C1QTNF3: variants seen among roughly 807,000 people sequenced by gnomAD.
C1QTNF3 encodes C1q and TNF related 3, also known as complement C1q tumor necrosis factor-related protein 3.
A neutral mutation model predicts 32.6 loss-of-function variants in C1QTNF3; 26 were observed. That is an observed-to-expected ratio of 0.80 (90% CI 0.58 to 1.11). The LOEUF (loss-of-function observed/expected upper bound fraction) is 1.11. C1QTNF3 is among the 50% of genes least tolerant of loss of function. C1QTNF3 has a pLI of 0.00. For missense variants in C1QTNF3, 362 were observed against 398.2 expected, an observed-to-expected ratio of 0.91 and a Z score of 0.77; for synonymous variants, 155 against 146.0, an observed-to-expected ratio of 1.06 and a Z score of -0.44.
chr5:34,166,174 T>C, the C1QTNF3 span: 2 of 152,124 alleles, frequency 1.3e-5, no homozygotes, highest in East Asian at 3.8e-4. Flanking sequence ...CTCACGACAA[T>C]GGATATAGTT....
chr5:34,026,288 G>C (rs764896372), intron 4 of C1QTNF3, among the ~76,000 whole-genome samples: 1 of 152,020 alleles, frequency 6.6e-6, no homozygotes, highest in South Asian at 2.1e-4. Flanking sequence ...ACAGTGCCAG[G>C]AGAAATGCAC....
At chr5:34,034,471 T>G (rs1394911894) in intron 2 of C1QTNF3, among the ~76,000 whole-genome samples, 3 of 152,244 alleles carry the variant, frequency 2.0e-5, no homozygotes, top group Non-Finnish European at 4.4e-5. Context: ...CAATTTTAAC[T>G]TTTCCCTTTG....
the C1QTNF3 span, among the ~76,000 whole-genome samples, chr5:34,170,474 G>A: frequency 3.9e-5 from 6 of 152,102 alleles, no homozygotes; most frequent in African/African-American, 7.2e-5. Flanking sequence ...AATAAATTTC[G>A]GGGCGTCTTG....
At chr5:34,071,585 A>G in the C1QTNF3 span, among the ~76,000 whole-genome samples, 1 of 152,126 alleles carries the variant, frequency 6.6e-6, no homozygotes, top group African/African-American at 2.4e-5. Flanking sequence ...GCCATTGAGG[A>G]AGATTAGGCA....
At chr5:34,043,230 G>T, upstream of C1QTNF3, 1 of 1,259,024 alleles carries the variant, frequency 7.9e-7, no homozygotes, top group Non-Finnish European at 1.1e-6. Flanking sequence ...TGCAGCGGCG[G>T]AGTGGTTTTA....
the C1QTNF3 span, among the ~76,000 whole-genome samples, chr5:34,175,187 G>A: frequency 6.6e-5 from 10 of 152,090 alleles, no homozygotes; most frequent in South Asian, 2.1e-3. Flanking sequence ...AGGACTACAG[G>A]CACACACCAC....
At chr5:34,043,305 C>T (rs1488355908), upstream of C1QTNF3, 2 of 612,038 alleles carry the variant, frequency 3.3e-6, no homozygotes, top group Non-Finnish European at 5.7e-6. Context: ...CCTCCCCAGG[C>T]AGAACAGCCC....
chr5:34,117,183 T>C, the C1QTNF3 span, among the ~76,000 whole-genome samples: 8 of 152,192 alleles, frequency 5.3e-5, no homozygotes, highest in African/African-American at 1.9e-4. Flanking sequence ...GTCTTTGCAC[T>C]TCTGTTTCCT....
chr5:34,185,567 A>G, the C1QTNF3 span, among the ~76,000 whole-genome samples: 1 of 152,412 alleles, frequency 6.6e-6, no homozygotes, highest in East Asian at 1.9e-4. Context: ...CTTGGGGGTT[A>G]ATTTAAATGG....
At chr5:34,208,616 A>G in the C1QTNF3 span, among the ~76,000 whole-genome samples, 2 of 152,036 alleles carry the variant, frequency 1.3e-5, no homozygotes, top group African/African-American at 4.8e-5. Flanking sequence ...TTAAAGACCT[A>G]TAATTGAAAA....
the C1QTNF3 span, among the ~76,000 whole-genome samples, chr5:34,144,077 G>C: frequency 6.6e-6 from 1 of 151,940 alleles, no homozygotes; most frequent in South Asian, 2.1e-4. Flanking sequence ...GATAGAGAAT[G>C]ATCTACCAAG....
At chr5:34,162,294 A>C in the C1QTNF3 span, among the ~76,000 whole-genome samples, 1 of 152,184 alleles carries the variant, frequency 6.6e-6, no homozygotes, top group Admixed American at 6.6e-5. Context: ...CAAGCTAGCA[A>C]GAATGGGCCA....
the C1QTNF3 span, among the ~76,000 whole-genome samples, chr5:34,143,462 C>T: frequency 1.3e-5 from 2 of 152,110 alleles, no homozygotes; most frequent in African/African-American, 4.8e-5. Flanking sequence ...AGGCAACCAT[C>T]CCCAAGGCTC....
At chr5:34,171,365 C>T in the C1QTNF3 span, among the ~76,000 whole-genome samples, 4 of 150,742 alleles carry the variant, frequency 2.7e-5, no homozygotes, top group Non-Finnish European at 3.0e-5. Context: ...AATATATATA[C>T]ATAAATATAT....
the C1QTNF3 span, among the ~76,000 whole-genome samples, chr5:34,127,619 G>C: frequency 8.2e-5 from 12 of 145,564 alleles, no homozygotes; most frequent in Admixed American, 6.4e-4. Flanking sequence ...ACGGAGTCTC[G>C]CTCTGTCACC....
chr5:34,136,345 G>A, the C1QTNF3 span, among the ~76,000 whole-genome samples: 2 of 151,494 alleles, frequency 1.3e-5, no homozygotes, highest in East Asian at 1.9e-4. Flanking sequence ...CAAAGGAAAC[G>A]AACAGACACT....
At chr5:34,120,029 A>C in the C1QTNF3 span, among the ~76,000 whole-genome samples, 1 of 152,202 alleles carries the variant, frequency 6.6e-6, no homozygotes, top group Admixed American at 6.5e-5. Flanking sequence ...CTAAACAGAA[A>C]CATCGGTATT....
the C1QTNF3 span, among the ~76,000 whole-genome samples, chr5:34,228,152 A>G: frequency 6.6e-6 from 1 of 151,952 alleles, no homozygotes; most frequent in Non-Finnish European, 1.5e-5. Flanking sequence ...TTCTGAAACT[A>G]AAGTTGGTAA....
chr5:34,113,985 CT>C, the C1QTNF3 span, among the ~76,000 whole-genome samples: 22 of 152,152 alleles, frequency 1.4e-4, no homozygotes, highest in African/African-American at 4.3e-4. Context: ...TTTGATTAGG[CT>C]TTGCGATCTT....
Sources: allele counts gnomAD v4.1 joint callset (sites outside exome capture counted in the v4.1 genomes callset), GRCh38; gene constraint gnomAD v4.1.1; transcripts MANE v1.5; gene names NCBI Gene and HGNC (gene_info 2026-07-23, HGNC 2026-07-21).